TEP1: variants seen among roughly 807,000 people sequenced by gnomAD.
The protein encoded by TEP1 is telomerase protein component 1.
In TEP1, 241 loss-of-function variants were observed where a neutral mutation model predicts 306.3. That is an observed-to-expected ratio of 0.79 (90% CI 0.71 to 0.88). TEP1 has a LOEUF of 0.88. Among genes scored for constraint, TEP1 ranks in the 40% least tolerant of loss-of-function variants. The probability of loss-of-function intolerance (pLI) is 0.00; values close to 1 mark genes in which losing one functional copy is unlikely to be tolerated. For missense variants in TEP1, 3,051 were observed against 3,276.1 expected (o/e 0.93, Z 1.68); for synonymous variants, 1,289 against 1,305.5 (o/e 0.99, Z 0.27).
rs532973809 is a variant in TEP1, at chr14:20,411,837, G to A, written c.-25+1568C>T. Among the ~76,000 whole-genome samples, 4 of 152,192 alleles carry A rather than the reference G, an allele frequency of 2.6e-5. No homozygotes were observed. In the East Asian group the frequency reaches 5.8e-4, roughly 22 times the overall value. ...CATCAGGAACCTATTTTCTGGCTGGGTGTGGTGGCTCACACCTGTAATCCT... is the reference window on the plus strand; with the variant it reads ...CATCAGGAACCTATTTTCTGGCTGGATGTGGTGGCTCACACCTGTAATCCT... On this transcript the variant is annotated intron_variant, in intron 1 of 54. Coordinates refer to ENST00000262715, the MANE Select transcript of TEP1 (RefSeq NM_007110.5).
Position 20,368,832 on chromosome 14 carries a change from T to A in TEP1, c.7727A>T (p.Asp2576Val). Residue 2576 changes from aspartate (D) to valine (V), a missense_variant, in exon 54 of 55, where the codon GAT (aspartate) becomes GTT (valine). By Grantham distance (152) the Asp-to-Val change is radical. Coordinates refer to ENST00000262715, the MANE Select transcript of TEP1 (RefSeq NM_007110.5). Reference sequence around the variant, plus strand: ...ACTGGGTCTCTCCCATAGCTTAACATCTCTGTCCTTCGAAGCTGTCACCAG... The same window carrying A: ...ACTGGGTCTCTCCCATAGCTTAACAACTCTGTCCTTCGAAGCTGTCACCAG... ...ELLVTASKDR[D>V]VKLWERPSMQ... 1 of 1,613,570 alleles carries A rather than the reference T, an allele frequency of 6.2e-7. No individual in the cohort carries two copies. The highest frequency in any genetic ancestry group is 8.5e-7 in the Non-Finnish European group (1 of 1,179,952).
Position 20,374,515 on chromosome 14 carries a change from A to C in TEP1, c.6385T>G (p.Ser2129Ala). The change falls in exon 44 of 55, where the codon TCT becomes GCT. Residue 2129 changes from serine (S) to alanine (A), a missense_variant. Ser to Ala is a moderately conservative substitution (Grantham distance 99). Coordinates refer to ENST00000262715, the MANE Select transcript of TEP1 (RefSeq NM_007110.5). ...NLLISCSSDG[S>A]VGLWDPESGQ... The stretch of plus-strand genomic sequence containing the variant: ...GACTCTGGGTCCCAGAGCCCCACAG[A>C]GCCATCACTGGAGCAGGATATCTAC... 6.2e-7 allele frequency: 1 copy of C among 1,613,276 alleles called. No homozygotes were observed. Among genetic ancestry groups the C allele is most frequent in the East Asian group, 2.2e-5 (1 of 44,858 alleles).
rs772442681 is a variant in TEP1, at chr14:20,391,622, A to G, written c.2074T>C (p.Cys692Arg). The G allele has an allele frequency of 1.2e-6, 2 of 1,614,030 alleles. No homozygotes were observed. Among genetic ancestry groups the G allele is most frequent in the Non-Finnish European group, 1.7e-6 (2 of 1,179,974 alleles). Residue 692 changes from cysteine (C) to arginine (R), a missense_variant, in exon 13 of 55, where the codon TGT (cysteine) becomes CGT (arginine). Around this residue, in one of 3 missense-constraint regions of TEP1, gnomAD observed 1,507 missense variants for 1,550.5 expected, o/e 0.97. Transcript: ENST00000262715. ...ACCCCTTGTGGGTTGCTCTTTGGAC[A>G]GAGCCTGTCTGCATTAGCATCTGTC... Reference protein sequence around the residue: ...YLTDANADRLCPKSNPQGPPL... With the variant: ...YLTDANADRLRPKSNPQGPPL...
intron 9 of TEP1, among the ~76,000 whole-genome samples, chr14:20,397,651 G>A (rs1415092525): frequency 6.6e-6 from 1 of 152,068 alleles, no homozygotes; most frequent in Non-Finnish European, 1.5e-5. Context: ...TTAAATATAG[G>A]TGAAAAAGAT....
At chr14:20,386,405 C>G (rs1213642774) in intron 19 of TEP1, 42 bp downstream of exon 19, 1 of 1,579,376 alleles carries the variant, frequency 6.3e-7, no homozygotes, top group Non-Finnish European at 8.6e-7. Context: ...CACTCAAGCC[C>G]CTCATCCCCG....
intron 1 of TEP1, among the ~76,000 whole-genome samples, chr14:20,411,890 A>G (rs1198621148): frequency 6.6e-6 from 1 of 152,004 alleles, no homozygotes; most frequent in Non-Finnish European, 1.5e-5. Context: ...AGGTGGGAGA[A>G]TCACTTGAGG....
rs1566452020 is a variant in TEP1 at position 20,381,272 on chromosome 14, ACT to A, written c.4647+39_4647+40del. 6.3e-7 allele frequency: 1 copy of A among 1,583,526 alleles called. No homozygotes were observed. Among genetic ancestry groups the A allele is most frequent in the Non-Finnish European group, 8.7e-7 (1 of 1,152,092 alleles). ...AGAGGGGTCTCAGAGCAACCAAAGC[ACT>A]CACTTTGGGAAAGGTGTCTATGGGG... On this transcript the variant is annotated intron_variant, in intron 32 of 54. Coordinates refer to ENST00000262715, the MANE Select transcript of TEP1 (RefSeq NM_007110.5). The surrounding 1 kb of genome is among the most constrained non-coding windows in gnomAD (Gnocchi z 4.0).
Position 20,403,764 on chromosome 14 carries a change from G to A in TEP1, c.1153C>T (p.His385Tyr), listed in dbSNP as rs528674253. The stretch of plus-strand genomic sequence containing the variant: ...CGGCGGGGGTGTCTCTTGGCCCGGT[G>A]CTTCCGAGGGTTGTACTTAGCCAGC... ...YQLAKYNPRK[H>Y]RAKRHPRRPP... Residue 385 changes from histidine to tyrosine, a missense_variant, in exon 6 of 55, where the codon CAC becomes TAC. Physicochemically the swap from His to Tyr is moderately conservative, Grantham distance 83. Coordinates refer to ENST00000262715, the MANE Select transcript of TEP1 (RefSeq NM_007110.5). 120 of 1,614,116 alleles carry A rather than the reference G, an allele frequency of 7.4e-5. 2 individuals carry two copies. In the South Asian group the frequency reaches 1.2e-3, roughly 16 times the overall value.
rs761243496 is a variant in TEP1 at position 20,391,074 on chromosome 14, A to G, written c.2120T>C (p.Leu707Pro). The G allele has an allele frequency of 2.5e-6, 4 of 1,614,180 alleles. No individual in the cohort carries two copies. Among genetic ancestry groups the G allele is most frequent in the Non-Finnish European group, 8.5e-7 (1 of 1,180,034 alleles). ...PQGPPLNYAL[L>P]LIGMMITRAE... ...CCTCGTGATCATCATCCCAATCAAC[A>G]GCAGTGCATAGTTCAGCGGGGGCTG... The change falls in exon 14 of 55, where the codon CTG becomes CCG. Residue 707 changes from leucine to proline, a missense_variant. Leu to Pro is a moderately conservative substitution (Grantham distance 98, BLOSUM62 -3). Around this residue, in one of 3 missense-constraint regions of TEP1, gnomAD observed 1,507 missense variants for 1,550.5 expected, o/e 0.97. Transcript: ENST00000262715.
At chr14:20,403,112 G>A (rs546708939) in intron 7 of TEP1, among the ~76,000 whole-genome samples, 65 of 144,544 alleles carry the variant, frequency 4.5e-4, no homozygotes, top group East Asian at 1.2e-3. Context: ...AGCCAAGACC[G>A]TGCCACTGCA....
chr14:20,369,791 T>C lies in TEP1; in HGVS notation c.7318-12A>G, dbSNP rs1027823499. Reference sequence around the variant, plus strand: ...GATTCCTTTTGCCTCTGTGAAAGAATAGGTAATTTTGTTTAGCCTACCCAT... The same window carrying C: ...GATTCCTTTTGCCTCTGTGAAAGAACAGGTAATTTTGTTTAGCCTACCCAT... On this transcript the variant is annotated splice_polypyrimidine_tract_variant and intron_variant, in intron 51 of 54. Transcript: ENST00000262715. 12 of 1,609,702 alleles carry C rather than the reference T, an allele frequency of 7.5e-6. No individual in the cohort carries two copies. The East Asian group carries it at 8.9e-5, about 12-fold the overall frequency.
chr14:20,388,968 T>C (rs1435189708), intron 17 of TEP1, among the ~76,000 whole-genome samples: 2 of 152,022 alleles, frequency 1.3e-5, no homozygotes, highest in African/African-American at 4.8e-5. Context: ...ACCAACATGG[T>C]GAAACCCCGT....
intron 1 of TEP1, among the ~76,000 whole-genome samples, chr14:20,408,696 A>C (rs948930567): frequency 6.6e-6 from 1 of 152,198 alleles, no homozygotes; most frequent in African/African-American, 2.4e-5. Flanking sequence ...GGCCAGGTGC[A>C]GTGGCTCATG....
intron 1 of TEP1, among the ~76,000 whole-genome samples, chr14:20,409,075 A>C (rs1879429621): frequency 6.6e-6 from 1 of 152,116 alleles, no homozygotes; most frequent in Non-Finnish European, 1.5e-5. Context: ...CTCTTTAACC[A>C]ACTAAATGGG....
intron 7 of TEP1, 52 bp from the exon 8 acceptor site, chr14:20,401,633 G>C (rs1338787313): frequency 6.2e-7 from 1 of 1,601,820 alleles, no homozygotes; most frequent in Non-Finnish European, 8.5e-7. Flanking sequence ...ATGACCATGG[G>C]AACTTTCTTC....
At chr14:20,396,902 A>G (rs1251386850) in intron 9 of TEP1, among the ~76,000 whole-genome samples, 172 bp from the exon 10 acceptor site, 1 of 152,130 alleles carries the variant, frequency 6.6e-6, no homozygotes, top group Non-Finnish European at 1.5e-5. Flanking sequence ...CAAAAAAAAA[A>G]AGCAAATGAG....
chr14:20,375,198 G>A (rs1437332664), intron 43 of TEP1, among the ~76,000 whole-genome samples: 1 of 151,826 alleles, frequency 6.6e-6, no homozygotes, highest in African/African-American at 2.4e-5. Flanking sequence ...TTGAGATGGA[G>A]TTTCACTCTT....
chr14:20,369,641 C>T (rs761982249), intron 52 of TEP1, 33 bp downstream of exon 52: 1 of 1,613,282 alleles, frequency 6.2e-7, no homozygotes, highest in South Asian at 1.1e-5. Context: ...TGGGCCATCT[C>T]CCGGCTCCTC....
At position 20,376,215 on chromosome 14, in the gene TEP1, G is replaced by A. The variant is rs1885167800; in HGVS notation, c.6138C>T (p.His2046=). ...LWPRQLLTRP[H]KAEDFPCGTE... ...TGCCACAGGGAAAGTCTTCTGCCTT[G>A]TGTGGCCGCGTCAGCAGCTGCCTTG... The change falls in exon 42 of 55, where the codon CAC becomes CAT. Residue 2046 remains histidine, a synonymous_variant. Transcript: ENST00000262715. 1.2e-6 allele frequency: 2 copies of A among 1,614,052 alleles called. No homozygotes were observed. Among genetic ancestry groups the A allele is most frequent in the African/African-American group, 1.3e-5 (1 of 74,932 alleles).
Sources: allele counts gnomAD v4.1 joint callset (sites outside exome capture counted in the v4.1 genomes callset), GRCh38; gene constraint gnomAD v4.1.1; regional missense constraint gnomAD v4.1.1; non-coding constraint Gnocchi (gnomAD v3.1); transcripts MANE v1.5; gene names NCBI Gene and HGNC (gene_info 2026-07-23, HGNC 2026-07-21).